Variants in ANKHD1 observed in about 807,000 individuals in gnomAD.
The protein encoded by ANKHD1 is ankyrin repeat and KH domain-containing protein 1.
Under a neutral mutation model 230.5 loss-of-function variants are expected in ANKHD1, and 31 were observed. The observed-to-expected ratio is 0.13, with a 90% confidence interval of 0.10 to 0.18. The LOEUF (loss-of-function observed/expected upper bound fraction) is 0.18. ANKHD1 is among the 10% of genes least tolerant of loss of function. The pLI is 1.00. For missense variants in ANKHD1, 2,256 were observed against 3,071.3 expected, an observed-to-expected ratio of 0.73 and a Z score of 6.27; for synonymous variants, 1,074 against 1,117.6, an observed-to-expected ratio of 0.96 and a Z score of 0.78.
At chr5:140,469,208 A>G (rs554864638) in intron 10 of ANKHD1, among the ~76,000 whole-genome samples, 18 of 151,620 alleles carry the variant, frequency 1.2e-4, no homozygotes, top group Non-Finnish European at 1.5e-4. Flanking sequence ...TGCATTATCT[A>G]CAAAAATCTT....
intron 10 of ANKHD1, among the ~76,000 whole-genome samples, chr5:140,466,247 T>C (rs1776075370): frequency 6.6e-6 from 1 of 152,046 alleles, no homozygotes; most frequent in African/African-American, 2.4e-5. Flanking sequence ...AAAAGTTAGC[T>C]GGGTGTGGTG....
intron 10 of ANKHD1, chr5:140,472,139 A>G: frequency 2.1e-6 from 2 of 938,892 alleles, no homozygotes; most frequent in South Asian, 1.5e-5. Context: ...CTGAGTTAAC[A>G]AAGCCCACCA....
intron 13 of ANKHD1, chr5:140,486,001 T>C (rs1395794597): frequency 1.4e-5 from 5 of 366,364 alleles, no homozygotes; most frequent in Non-Finnish European, 2.4e-5. Flanking sequence ...TTATTACAAC[T>C]AGGTTTTTCA....
chr5:140,469,272 G>A (rs1403989620), intron 10 of ANKHD1, among the ~76,000 whole-genome samples: 5 of 151,054 alleles, frequency 3.3e-5, no homozygotes, highest in African/African-American at 1.2e-4. Context: ...GGAGGCCAAG[G>A]AGGGCAGATT....
intron 1 of ANKHD1, among the ~76,000 whole-genome samples, chr5:140,429,396 C>G (rs1193757994): frequency 1.3e-5 from 2 of 152,060 alleles, no homozygotes; most frequent in Admixed American, 1.3e-4. Flanking sequence ...CCAGCCTGGC[C>G]TAGAATATTC....
At chr5:140,502,598 A>G (rs1488105991) in intron 15 of ANKHD1, among the ~76,000 whole-genome samples, 1 of 152,178 alleles carries the variant, frequency 6.6e-6, no homozygotes, top group Non-Finnish European at 1.5e-5. Context: ...TATGTTAATA[A>G]TTGTGGGACC....
rs544014140 is a variant in ANKHD1, at chr5:140,473,583, G to A, written c.1782+8807G>A. 3.3e-5 allele frequency among the ~76,000 whole-genome samples: 5 copies of A among 152,168 alleles called. 1 individual carries two copies. Among genetic ancestry groups the A allele is most frequent in the Admixed American group, 3.3e-4 (5 of 15,288 alleles). On this transcript the variant is annotated intron_variant, in intron 10 of 33. Coordinates refer to ENST00000360839, the MANE Select transcript of ANKHD1 (RefSeq NM_017747.3). ...AGCCTCCCCAGTAGCTGGGACTAGAGGCATGTGCCACCATGCCCAACTAAT... is the reference window on the plus strand; with the variant it reads ...AGCCTCCCCAGTAGCTGGGACTAGAAGCATGTGCCACCATGCCCAACTAAT...
intron 7 of ANKHD1, among the ~76,000 whole-genome samples, 198 bp from the exon 8 acceptor site, chr5:140,458,427 A>G (rs907313442): frequency 6.6e-6 from 1 of 152,196 alleles, no homozygotes; most frequent in South Asian, 2.1e-4. Context: ...AATAATTTGA[A>G]AATTACTTAA....
At chr5:140,438,732 A>T (rs1773634361) in intron 3 of ANKHD1, 115 bp downstream of exon 3, 2 of 1,357,038 alleles carry the variant, frequency 1.5e-6, no homozygotes, top group Non-Finnish European at 9.7e-7. Flanking sequence ...AGCTGAAAGG[A>T]TATTACATTT....
chr5:140,462,541 C>T (rs527545742), intron 9 of ANKHD1, among the ~76,000 whole-genome samples: 7 of 151,120 alleles, frequency 4.6e-5, no homozygotes, highest in African/African-American at 7.3e-5. Flanking sequence ...TGGCTAACAC[C>T]GTGAAACCCC....
chr5:140,473,855 G>A (rs1186572695), intron 10 of ANKHD1, among the ~76,000 whole-genome samples: 1 of 152,106 alleles, frequency 6.6e-6, no homozygotes, highest in African/African-American at 2.4e-5. Context: ...CTAGCTGCAA[G>A]TCTCAAAACA....
intron 11 of ANKHD1, among the ~76,000 whole-genome samples, chr5:140,484,516 A>G (rs770714237): frequency 1.3e-5 from 2 of 152,216 alleles, no homozygotes; most frequent in African/African-American, 2.4e-5. Flanking sequence ...AGAATTATAT[A>G]TCTCTTAAAC....
intron 15 of ANKHD1, among the ~76,000 whole-genome samples, chr5:140,501,179 G>A (rs541710174): frequency 1.3e-5 from 2 of 150,148 alleles, no homozygotes; most frequent in African/African-American, 2.4e-5. Context: ...AGGTTCAAGC[G>A]ATTCCCCTTG....
chr5:140,460,687 A>AT (rs1480568645), intron 9 of ANKHD1, among the ~76,000 whole-genome samples: 1 of 151,802 alleles, frequency 6.6e-6, no homozygotes, highest in Non-Finnish European at 1.5e-5. Flanking sequence ...TGCCTGGCTA[A>AT]TTTTTGTATT....
intron 24 of ANKHD1, among the ~76,000 whole-genome samples, chr5:140,516,246 A>G (rs550191990): frequency 3.9e-5 from 6 of 152,318 alleles, no homozygotes; most frequent in African/African-American, 1.4e-4. Flanking sequence ...AGTTTAGACA[A>G]AAAAGAATAA....
chr5:140,484,898 A>G (rs1581323531), intron 11 of ANKHD1: 8 of 573,414 alleles, frequency 1.4e-5, no homozygotes, highest in Non-Finnish European at 2.0e-5. Flanking sequence ...AAGGGAGCAC[A>G]AGATGGGGCT....
In ANKHD1 at chr5:140,505,798, G is replaced by A. The variant is rs758235681; in HGVS notation, c.3337G>A (p.Asp1113Asn). ...VVEILLDKGGDIEAQSERTKD... is the reference protein window; with the variant it reads ...VVEILLDKGGNIEAQSERTKD... ...TGAAATCCTTTTGGATAAAGGTGGA[G>A]ATATAGAAGCACAGTCTGAACGAAC... Residue 1113 changes from aspartate (D) to asparagine (N), a missense_variant, in exon 18 of 34, where the codon GAT becomes AAT. Transcript: ENST00000360839. 8.1e-6 allele frequency: 13 copies of A among 1,613,134 alleles called. No homozygotes were observed. The highest frequency in any genetic ancestry group is 1.1e-5 in the Non-Finnish European group (13 of 1,179,594).
At chr5:140,463,582 A>T (rs552868392) in intron 9 of ANKHD1, among the ~76,000 whole-genome samples, 10 of 152,156 alleles carry the variant, frequency 6.6e-5, no homozygotes, top group Non-Finnish European at 1.3e-4. Flanking sequence ...TATATCAGGA[A>T]TTCATTGGTC....
intron 10 of ANKHD1, chr5:140,472,160 C>T (rs930951618): frequency 1.7e-6 from 2 of 1,165,792 alleles, no homozygotes; most frequent in South Asian, 2.6e-5. Flanking sequence ...TCTGAAGTAT[C>T]GGTCACAAGG....
Sources: gnomAD v4.1 joint callset for allele counts (sites outside exome capture counted in the v4.1 genomes callset) on GRCh38, gnomAD v4.1.1 for gene constraint, MANE v1.5 for transcripts, NCBI Gene and HGNC (gene_info 2026-07-23, HGNC 2026-07-21) for gene names.